Variants in MIEF1 observed in about 807,000 individuals in gnomAD.
MIEF1 encodes mitochondrial dynamics protein MIEF1.
In MIEF1, 14 loss-of-function variants were observed where a neutral mutation model predicts 35.1. The ratio of observed to expected loss-of-function variants is 0.40; its 90% CI spans 0.26 to 0.62. MIEF1 has a LOEUF of 0.62. Ranked by LOEUF, MIEF1 falls within the 20% of genes least tolerant of loss-of-function variation. The probability of loss-of-function intolerance (pLI) is 0.43; values close to 1 mark genes in which losing one functional copy is unlikely to be tolerated. For synonymous variants in MIEF1, 245 were observed against 254.3 expected, an observed-to-expected ratio of 0.96 and a Z score of 0.35; for missense variants, 542 against 615.4, an observed-to-expected ratio of 0.88 and a Z score of 1.26.
rs1930571574 is a variant in MIEF1, at chr22:39,514,758, C to T, written c.*435C>T. ...GCTCTTGTCCCTGGAGCATATCTGC[C>T]TAATTAAGATGTTGCCTTTTAGTTG... is the stretch of plus-strand genomic sequence containing the variant. On this transcript the variant is annotated 3_prime_UTR_variant, in exon 6 of 6. Coordinates refer to ENST00000325301, the MANE Select transcript of MIEF1 (RefSeq NM_019008.6). 3 of 236,386 alleles carry T rather than the reference C, an allele frequency of 1.3e-5. No homozygotes were observed. Among genetic ancestry groups the T allele is most frequent in the South Asian group, 1.4e-4 (2 of 14,690 alleles). 14.6% of individuals were successfully genotyped at this position (236,386 alleles called of 1,614,324 possible).
chr22:39,511,341 T>C lies in MIEF1; in HGVS notation c.47T>C (p.Ile16Thr). The C allele has an allele frequency of 6.2e-7, 1 of 1,613,984 alleles. No homozygotes were observed. The highest frequency in any genetic ancestry group is 8.5e-7 in the Non-Finnish European group (1 of 1,179,936). ...AAAGGCAAGAAGGATGACAATGGCATTGGCACGGCCATTGACTTTGTGCTC... is the reference window on the plus strand; with the variant it reads ...AAAGGCAAGAAGGATGACAATGGCACTGGCACGGCCATTGACTTTGTGCTC... ...ERKGKKDDNG[I>T]GTAIDFVLSN... Residue 16 changes from isoleucine (I) to threonine (T), a missense_variant, in exon 3 of 6, where the codon ATT becomes ACT. Physicochemically the swap from Ile to Thr is moderately conservative, Grantham distance 89 (BLOSUM62 -1). Coordinates refer to ENST00000325301, the MANE Select transcript of MIEF1 (RefSeq NM_019008.6).
chr22:39,514,370 TCC>T lies in MIEF1; in HGVS notation c.*48_*49del. The T allele has an allele frequency of 6.3e-7, 1 of 1,587,320 alleles. No individual in the cohort carries two copies. Among genetic ancestry groups the T allele is most frequent in the South Asian group, 1.1e-5 (1 of 88,170 alleles). On this transcript the variant is annotated 3_prime_UTR_variant, in exon 6 of 6. Transcript: ENST00000325301. ...GTGTTGGTGGTCAGGCCCTGGATTC[TCC>T]GTTAGATACACTTGGCTACCTAGTT...
rs1930630611 is a variant in MIEF1 at position 39,515,688 on chromosome 22, A to C, written c.*1365A>C. The C allele has an allele frequency of 6.5e-6, 2 of 305,700 alleles. No individual in the cohort carries two copies. The highest frequency in any genetic ancestry group is 1.5e-4 in the South Asian group (2 of 13,326). 18.9% of individuals were successfully genotyped at this position (305,700 alleles called of 1,614,324 possible). ...TCCTGAAGGTGGGGAGGAATGTTTA[A>C]TCTACCATGTCCGTGTGTCATCTTG... On this transcript the variant is annotated 3_prime_UTR_variant, in exon 6 of 6. Coordinates refer to ENST00000325301, the MANE Select transcript of MIEF1 (RefSeq NM_019008.6).
In MIEF1 at chr22:39,511,858, C is replaced by T. The variant is rs755440609; in HGVS notation, c.154C>T (p.Arg52Trp). Residue 52 changes from arginine to tryptophan, a missense_variant, in exon 4 of 6, where the codon CGG becomes TGG. Physicochemically the swap from Arg to Trp is moderately radical, Grantham distance 101. Transcript: ENST00000325301. ...CTCTCTGCTATTTCAGATGTACGAT[C>T]GGGCGATCAGTGCCCCTACCAGCCC... ...ATLAVKRMYD[R>W]AISAPTSPTR... 17 of 1,612,166 alleles carry T rather than the reference C, an allele frequency of 1.1e-5. No homozygotes were observed. Among genetic ancestry groups the T allele is most frequent in the African/African-American group, 2.7e-5 (2 of 74,888 alleles).
Position 39,511,977 on chromosome 22 carries a change from G to T in MIEF1, c.273G>T (p.Leu91=). 1 of 1,614,134 alleles carries T rather than the reference G, an allele frequency of 6.2e-7. No individual in the cohort carries two copies. The highest frequency in any genetic ancestry group is 8.5e-7 in the Non-Finnish European group (1 of 1,180,032). ...TGAACAGGGACATGAAGACGGGCCT[G>T]AGCCGGTCCTTGCAGACCCTTCCCA... The part of the protein sequence containing the change: ...RLLNRDMKTG[L]SRSLQTLPTD... The change falls in exon 4 of 6, where the codon CTG becomes CTT. Residue 91 remains leucine, a synonymous_variant. Coordinates refer to ENST00000325301, the MANE Select transcript of MIEF1 (RefSeq NM_019008.6).
At chr22:39,501,297 T>C (rs990779302), upstream of MIEF1, among the ~76,000 whole-genome samples, 10 of 152,256 alleles carry the variant, frequency 6.6e-5, no homozygotes, top group African/African-American at 2.4e-4. Context: ...TTCCCTGCAA[T>C]GTTCTTCTCC....
At chr22:39,513,059 A>C (rs1237939926) in intron 5 of MIEF1, among the ~76,000 whole-genome samples, 8 of 149,744 alleles carry the variant, frequency 5.3e-5, no homozygotes, top group African/African-American at 2.0e-4. Context: ...TCTCCTTTCT[A>C]GTTTTCTCAC....
At chr22:39,505,610 G>C (rs1420388920) in intron 2 of MIEF1, among the ~76,000 whole-genome samples, 1 of 152,240 alleles carries the variant, frequency 6.6e-6, no homozygotes, top group Non-Finnish European at 1.5e-5. Context: ...ACTCCAAGTT[G>C]AGATTGTAAT....
chr22:39,505,960 G>A (rs1360607279), intron 2 of MIEF1, among the ~76,000 whole-genome samples: 1 of 152,204 alleles, frequency 6.6e-6, no homozygotes, highest in Non-Finnish European at 1.5e-5. Context: ...CTTATGTAAT[G>A]ACTTTTGGTT....
In MIEF1 at chr22:39,515,330, T is replaced by G. The variant is rs899612446; in HGVS notation, c.*1007T>G. ...TGGAAAATCCAGTCACTAGTTGGGG[T>G]TTGGTGGCCATGTTTTCTACCCAGA... On this transcript the variant is annotated 3_prime_UTR_variant, in exon 6 of 6. Transcript: ENST00000325301. 1 of 717,576 alleles carries G rather than the reference T, an allele frequency of 1.4e-6. No homozygotes were observed. The highest frequency in any genetic ancestry group is 2.6e-6 in the Non-Finnish European group (1 of 385,108). The allele number at this position is 717,576 out of a possible 1,614,324, so 44.5% of individuals were successfully genotyped here.
intron 2 of MIEF1, among the ~76,000 whole-genome samples, chr22:39,506,231 A>G (rs969010413): frequency 6.6e-6 from 1 of 152,178 alleles, no homozygotes; most frequent in Non-Finnish European, 1.5e-5. Context: ...TATACTCCCT[A>G]TGCATCAAAC....
Position 39,516,310 on chromosome 22 carries a change from A to G in MIEF1, c.*1987A>G, listed in dbSNP as rs1006692715. ...AGGATTGATAGAGTGTTGCAAAAGT[A>G]TAGATTATTCATTGAGATAAAGGAT... On this transcript the variant is annotated 3_prime_UTR_variant, in exon 6 of 6. Coordinates refer to ENST00000325301, the MANE Select transcript of MIEF1 (RefSeq NM_019008.6). 4 of 152,194 alleles carry G rather than the reference A, an allele frequency of 2.6e-5. No homozygotes were observed. Among genetic ancestry groups the G allele is most frequent in the African/African-American group, 9.6e-5 (4 of 41,452 alleles). 9.4% of individuals were successfully genotyped at this position (152,194 alleles called of 1,614,324 possible).
At chr22:39,506,925 G>A (rs942919947) in intron 2 of MIEF1, among the ~76,000 whole-genome samples, 2 of 152,082 alleles carry the variant, frequency 1.3e-5, no homozygotes, top group Non-Finnish European at 2.9e-5. Flanking sequence ...ACATTGTTGG[G>A]TAACAGAGCC....
chr22:39,500,375 T>A (rs1929648498), upstream of MIEF1: 1 of 151,836 alleles, frequency 6.6e-6, no homozygotes, highest in South Asian at 2.1e-4. Context: ...GAAGAGCAAG[T>A]GGATCTAGAG....
At position 39,512,392 on chromosome 22, in the gene MIEF1, T is replaced by C; in HGVS notation, c.483T>C (p.Ala161=). 6.2e-7 allele frequency: 1 copy of C among 1,614,198 alleles called. No individual in the cohort carries two copies. Among genetic ancestry groups the C allele is most frequent in the South Asian group, 1.1e-5 (1 of 91,088 alleles). The change falls in exon 5 of 6, where the codon GCT becomes GCC. Residue 161 remains alanine (A), a synonymous_variant. Coordinates refer to ENST00000325301, the MANE Select transcript of MIEF1 (RefSeq NM_019008.6). ...AGCAGGCTCGGGCCAAGCAAGCTGC[T>C]GTGGACATATGTGCCGAGCTCCGGA... ...AGEQARAKQA[A]VDICAELRSF...
chr22:39,513,429 G>C (rs1297497595), intron 5 of MIEF1, 88 bp from the exon 6 acceptor site: 19 of 1,329,590 alleles, frequency 1.4e-5, no homozygotes, highest in Admixed American at 2.0e-5. Flanking sequence ...TGCTGGGGGG[G>C]AATGTAAGAT....
At chr22:39,512,653 T>C (rs1213731878) in intron 5 of MIEF1, among the ~76,000 whole-genome samples, 159 bp downstream of exon 5, 1 of 145,300 alleles carries the variant, frequency 6.9e-6, no homozygotes, top group Non-Finnish European at 1.5e-5. Context: ...CTTGTTATTC[T>C]TTTTTTTTTT....
chr22:39,508,190 G>A (rs776303090), intron 2 of MIEF1, among the ~76,000 whole-genome samples: 5 of 152,282 alleles, frequency 3.3e-5, no homozygotes, highest in East Asian at 1.9e-4. Flanking sequence ...TCCCCTTTTC[G>A]TAGCTGAGGT....
At chr22:39,511,198 G>A (rs1193280322) in intron 2 of MIEF1, 90 bp from the exon 3 acceptor site, 1 of 1,543,334 alleles carries the variant, frequency 6.5e-7, no homozygotes, top group East Asian at 2.3e-5. Flanking sequence ...AACTCACAGA[G>A]TACCCTGTAC....
Sources: allele counts gnomAD v4.1 joint callset (sites outside exome capture counted in the v4.1 genomes callset), GRCh38; gene constraint gnomAD v4.1.1; transcripts MANE v1.5; gene names NCBI Gene and HGNC (gene_info 2026-07-23, HGNC 2026-07-21).